KCNAB1: variants seen among roughly 807,000 people sequenced by gnomAD.
KCNAB1 encodes the protein voltage-gated potassium channel subunit beta-1.
Under a neutral mutation model 64.6 loss-of-function variants are expected in KCNAB1, and 35 were observed. The observed-to-expected ratio is 0.54, with a 90% CI of 0.41 to 0.72. The LOEUF is 0.72. Among genes scored for constraint, KCNAB1 ranks in the 30% least tolerant of loss-of-function variants. The pLI is 0.00. For missense variants in KCNAB1, 401 were observed against 512.9 expected (o/e 0.78, Z 2.11); for synonymous variants, 177 against 183.8 (o/e 0.96, Z 0.30).
intron 1 of KCNAB1, among the ~76,000 whole-genome samples, chr3:156,377,659 T>C (rs1048959565): frequency 5.9e-5 from 9 of 151,758 alleles, no homozygotes; most frequent in South Asian, 2.1e-4. Flanking sequence ...AGAAAGGAAA[T>C]GCCTATTGTG....
At position 156,210,270 on chromosome 3, in the gene KCNAB1, G is replaced by T. The variant is rs531352367; in HGVS notation, c.275+89384G>T. Among the ~76,000 whole-genome samples the T allele has an allele frequency of 2.8e-3, 423 of 152,118 alleles. 3 individuals carry two copies. Among genetic ancestry groups the T allele is most frequent in the African/African-American group, 9.4e-3 (391 of 41,488 alleles). On this transcript the variant is annotated intron_variant, in intron 1 of 13. Coordinates refer to ENST00000490337, the MANE Select transcript of KCNAB1 (RefSeq NM_172160.3). Reference sequence around the variant, plus strand: ...GGAGCAGGGCCTCCATTTTACTTGGGGTACATTTCACTTTTTCTGAAGTGT... The same window carrying T: ...GGAGCAGGGCCTCCATTTTACTTGGTGTACATTTCACTTTTTCTGAAGTGT...
chr3:156,525,328 C>G (rs1004173663), intron 12 of KCNAB1, among the ~76,000 whole-genome samples: 1 of 150,938 alleles, frequency 6.6e-6, no homozygotes, highest in African/African-American at 2.4e-5. Context: ...CCTGTGTAGG[C>G]CAAGGCTAAT....
intron 1 of KCNAB1, among the ~76,000 whole-genome samples, chr3:156,276,540 T>G (rs1341414299): frequency 6.6e-6 from 1 of 152,218 alleles, no homozygotes; most frequent in African/African-American, 2.4e-5. Context: ...TTGTCTACAT[T>G]GAAAACATGT....
intron 1 of KCNAB1, chr3:156,143,565 T>TA: frequency 1.2e-5 from 4 of 330,380 alleles, no homozygotes; most frequent in Non-Finnish European, 2.0e-5. Context: ...TGGGTTGCAT[T>TA]CTTGTTTTTT....
At chr3:156,133,291 A>G (rs1053752931) in intron 1 of KCNAB1, among the ~76,000 whole-genome samples, 1 of 152,208 alleles carries the variant, frequency 6.6e-6, no homozygotes, top group Non-Finnish European at 1.5e-5. Flanking sequence ...CTGTTGAACA[A>G]AATATTAAAT....
chr3:156,387,240 C>A (rs576279930), intron 1 of KCNAB1, among the ~76,000 whole-genome samples: 1 of 151,954 alleles, frequency 6.6e-6, no homozygotes, highest in Non-Finnish European at 1.5e-5. Flanking sequence ...AGAATGACCA[C>A]CTTTGTGCTG....
intron 8 of KCNAB1, among the ~76,000 whole-genome samples, chr3:156,486,966 C>A (rs1289868990): frequency 2.0e-5 from 3 of 152,088 alleles, no homozygotes; most frequent in African/African-American, 7.2e-5. Context: ...ACTTGCTCTA[C>A]TGAATGTTAA....
intron 8 of KCNAB1, among the ~76,000 whole-genome samples, chr3:156,482,759 A>T (rs1327174257): frequency 6.6e-6 from 1 of 152,090 alleles, no homozygotes; most frequent in Non-Finnish European, 1.5e-5. Flanking sequence ...ATTATTTGAG[A>T]TAATATACAC....
At chr3:156,291,865 G>A (rs375183830) in intron 1 of KCNAB1, 3 of 1,611,328 alleles carry the variant, frequency 1.9e-6, no homozygotes, top group African/African-American at 2.7e-5. Flanking sequence ...GACTGCCTGT[G>A]TTCTGGGGTT....
chr3:156,317,453 T>C (rs1258412160), intron 1 of KCNAB1, among the ~76,000 whole-genome samples: 1 of 152,196 alleles, frequency 6.6e-6, no homozygotes, highest in Non-Finnish European at 1.5e-5. Context: ...TGTCTTTCAC[T>C]TGAGTAATGG....
chr3:156,132,419 T>C (rs1714053209), intron 1 of KCNAB1, among the ~76,000 whole-genome samples: 1 of 152,236 alleles, frequency 6.6e-6, no homozygotes, highest in Non-Finnish European at 1.5e-5. Flanking sequence ...GCTCTCATTT[T>C]GAACCTGTCA....
intron 1 of KCNAB1, among the ~76,000 whole-genome samples, chr3:156,140,177 T>C (rs1431036379): frequency 6.6e-6 from 1 of 152,222 alleles, no homozygotes; most frequent in African/African-American, 2.4e-5. Flanking sequence ...ACACTAAGTA[T>C]CCAGCTGCAA....
intron 1 of KCNAB1, among the ~76,000 whole-genome samples, chr3:156,327,403 G>C (rs1380012304): frequency 6.6e-6 from 1 of 152,038 alleles, no homozygotes; most frequent in African/African-American, 2.4e-5. Flanking sequence ...GATAGATCAG[G>C]ATATATTAAT....
Position 156,452,914 on chromosome 3 carries a change from T to G in KCNAB1, c.335T>G (p.Phe112Cys). ...SCLGLGTWVT[F>C]GGQISDEVAE... is the part of the protein sequence containing the mutation. ...TATTTTCTAGGAACATGGGTGACATTTGGAGGTCAAATTTCAGATGAGGTA... is the reference window on the plus strand; with the variant it reads ...TATTTTCTAGGAACATGGGTGACATGTGGAGGTCAAATTTCAGATGAGGTA... The change falls in exon 3 of 14, where the codon TTT becomes TGT. Residue 112 changes from phenylalanine (F) to cysteine (C), a missense_variant. Transcript: ENST00000490337. The surrounding 1 kb of genome is among the most constrained non-coding windows in gnomAD (Gnocchi z 4.6). 1 of 1,604,312 alleles carries G rather than the reference T, an allele frequency of 6.2e-7. No individual in the cohort carries two copies. The highest frequency in any genetic ancestry group is 1.1e-5 in the South Asian group (1 of 89,920).
chr3:156,129,406 CT>C (rs912893237), intron 1 of KCNAB1, among the ~76,000 whole-genome samples: 45 of 152,284 alleles, frequency 3.0e-4, no homozygotes, highest in Admixed American at 3.3e-4. Context: ...TTCACGTTTA[CT>C]TTTCAGGTTG....
intron 1 of KCNAB1, among the ~76,000 whole-genome samples, chr3:156,328,184 C>G (rs1286912533): frequency 6.6e-6 from 1 of 152,082 alleles, no homozygotes; most frequent in East Asian, 1.9e-4. Flanking sequence ...AGTGGGATAG[C>G]AGATAGGAAA....
At chr3:156,122,492 A>T (rs1357693848) in intron 1 of KCNAB1, among the ~76,000 whole-genome samples, 2 of 152,234 alleles carry the variant, frequency 1.3e-5, no homozygotes, top group African/African-American at 2.4e-5. Flanking sequence ...CAGGTTTAGC[A>T]AGAAACTTTT....
intron 1 of KCNAB1, among the ~76,000 whole-genome samples, chr3:156,408,414 T>C (rs1228240791): frequency 1.3e-5 from 2 of 152,154 alleles, no homozygotes; most frequent in Admixed American, 6.5e-5. Context: ...CTGTCTCTCT[T>C]GTGGATAAAA....
At chr3:156,413,325 C>G (rs1465373324) in intron 1 of KCNAB1, among the ~76,000 whole-genome samples, 1 of 152,186 alleles carries the variant, frequency 6.6e-6, no homozygotes, top group Non-Finnish European at 1.5e-5. Context: ...TAGAAACTCA[C>G]TTATGGAGGC....
Sources: allele counts gnomAD v4.1 joint callset (sites outside exome capture counted in the v4.1 genomes callset), GRCh38; gene constraint gnomAD v4.1.1; non-coding constraint Gnocchi (gnomAD v3.1); transcripts MANE v1.5; gene names NCBI Gene and HGNC (gene_info 2026-07-23, HGNC 2026-07-21).